Variants in ARFGAP3 observed in about 807,000 individuals in gnomAD.
ARFGAP3 encodes the protein ADP-ribosylation factor GTPase-activating protein 3.
Under a neutral mutation model 75.0 loss-of-function variants are expected in ARFGAP3, and 72 were observed. The observed-to-expected ratio is 0.96, with a 90% CI of 0.79 to 1.17. The LOEUF (loss-of-function observed/expected upper bound fraction) is 1.17, where lower values mean the gene tolerates loss of function less well. Among genes scored for constraint, ARFGAP3 ranks in the 50% most tolerant of loss-of-function variants. The probability of loss-of-function intolerance (pLI) is 0.00; values close to 1 mark genes in which losing one functional copy is unlikely to be tolerated. For missense variants in ARFGAP3, 620 were observed against 626.6 expected (o/e 0.99, Z 0.11); for synonymous variants, 221 against 217.9 (o/e 1.01, Z -0.13).
intron 11 of ARFGAP3, among the ~76,000 whole-genome samples, chr22:42,812,330 C>A (rs1486259868): frequency 6.6e-6 from 1 of 151,562 alleles, no homozygotes; most frequent in Non-Finnish European, 1.5e-5. Context: ...TAAGGCAGTC[C>A]AAGAAGTTCA....
In ARFGAP3 at chr22:42,797,389, G is replaced by A; in HGVS notation, c.*199C>T. 1.5e-6 allele frequency: 1 copy of A among 660,198 alleles called. No homozygotes were observed. 40.9% of individuals were successfully genotyped at this position (660,198 alleles called of 1,614,324 possible). Reference sequence around the variant, plus strand: ...AGGAGGGTGTGACAGGAAGGAACGTGAAACAGAAATCACAGGAAAGCTCCT... The same window carrying A: ...AGGAGGGTGTGACAGGAAGGAACGTAAAACAGAAATCACAGGAAAGCTCCT... On this transcript the variant is annotated 3_prime_UTR_variant, in exon 16 of 16. Coordinates refer to ENST00000263245, the MANE Select transcript of ARFGAP3 (RefSeq NM_014570.5).
At chr22:42,838,087 G>T (rs1247284393) in intron 3 of ARFGAP3, among the ~76,000 whole-genome samples, 2 of 151,684 alleles carry the variant, frequency 1.3e-5, no homozygotes, top group East Asian at 3.9e-4. Flanking sequence ...TGACAAAATT[G>T]TATTCCTTAG....
At chr22:42,818,029 G>A (rs1249858580) in intron 9 of ARFGAP3, 172 bp from the exon 10 acceptor site, 2 of 520,056 alleles carry the variant, frequency 3.8e-6, no homozygotes, top group East Asian at 1.5e-4. Flanking sequence ...TTGAACAGAC[G>A]TTTAAGAAAA....
rs1224583354 is a variant in ARFGAP3 at position 42,807,097 on chromosome 22, C to T, written c.1387G>A (p.Glu463Lys). ...SSSISSADLFEEPRKQPAGNY... is the reference protein window; with the variant it reads ...SSSISSADLFKEPRKQPAGNY... Reference sequence around the variant, plus strand: ...CCTGCTGGCTGCTTCCTCGGCTCCTCGAACAGATCAGCCGAGCTTATGGAG... The same window carrying T: ...CCTGCTGGCTGCTTCCTCGGCTCCTTGAACAGATCAGCCGAGCTTATGGAG... The change falls in exon 14 of 16, where the codon GAG becomes AAG. Residue 463 changes from glutamate to lysine, a missense_variant. Transcript: ENST00000263245. The T allele has an allele frequency of 5.0e-6, 8 of 1,612,352 alleles. No homozygotes were observed. The highest frequency in any genetic ancestry group is 6.8e-6 in the Non-Finnish European group (8 of 1,179,310).
chr22:42,822,306 T>TC lies in ARFGAP3; in HGVS notation c.775dup (p.Glu259GlyfsTer9). On this transcript the variant is annotated frameshift_variant, in exon 9 of 16. Transcript: ENST00000263245. LOFTEE classifies it high-confidence loss of function. ...TTTAGATACCACCTTGGCCAGGTCT[T>TC]CCTGCTCCTTCATTTTATCCGCAGC... The TC allele has an allele frequency of 1.2e-6, 2 of 1,614,202 alleles. No homozygotes were observed. The highest frequency in any genetic ancestry group is 1.7e-6 in the Non-Finnish European group (2 of 1,180,032).
intron 1 of ARFGAP3, among the ~76,000 whole-genome samples, chr22:42,855,171 A>T (rs141454930): frequency 6.6e-5 from 10 of 152,364 alleles, no homozygotes; most frequent in African/African-American, 2.2e-4. Context: ...ATACCTAGAA[A>T]GTAGCAGTTT....
rs144012925 is a variant in ARFGAP3, at chr22:42,804,147, G to C, written c.1411+2926C>G. 2.6e-5 allele frequency among the ~76,000 whole-genome samples: 4 copies of C among 151,502 alleles called. No homozygotes were observed. The South Asian group carries it at 8.3e-4, about 32-fold the overall frequency. On this transcript the variant is annotated intron_variant, in intron 14 of 15. Transcript: ENST00000263245. ...TGGAACTCCTGAGCTCAAGCGATAC[G>C]TCTTCCTCAGCCTCCCAAAGTGCTG... is the stretch of plus-strand genomic sequence containing the variant.
At chr22:42,821,916 T>C (rs1046805337) in intron 9 of ARFGAP3, among the ~76,000 whole-genome samples, 3 of 152,168 alleles carry the variant, frequency 2.0e-5, no homozygotes, top group Non-Finnish European at 4.4e-5. Context: ...TTTTTTATTA[T>C]AGCTTCCCTA....
At chr22:42,838,729 T>A (rs1462129617) in intron 3 of ARFGAP3, among the ~76,000 whole-genome samples, 2 of 152,218 alleles carry the variant, frequency 1.3e-5, no homozygotes, top group African/African-American at 2.4e-5. Context: ...TGTGCAAGAT[T>A]TGGCTGGCTA....
chr22:42,852,580 C>T (rs1301624486), intron 1 of ARFGAP3, among the ~76,000 whole-genome samples: 2 of 151,474 alleles, frequency 1.3e-5, no homozygotes, highest in African/African-American at 2.4e-5. Context: ...AGGCTGGTCT[C>T]GAACTCCTGA....
chr22:42,816,402 C>CCATA, intron 11 of ARFGAP3, among the ~76,000 whole-genome samples: 1 of 152,238 alleles, frequency 6.6e-6, no homozygotes, highest in East Asian at 1.9e-4. Flanking sequence ...GCCCCTGGGC[C>CCATA]CATATTCTTA....
At chr22:42,854,715 T>C (rs1305378292) in intron 1 of ARFGAP3, among the ~76,000 whole-genome samples, 4 of 152,088 alleles carry the variant, frequency 2.6e-5, no homozygotes, top group Non-Finnish European at 2.9e-5. Context: ...GACGAAGAAA[T>C]TGGATACCAT....
Position 42,808,883 on chromosome 22 carries a change from C to G in ARFGAP3, c.1204G>C (p.Ala402Pro). Reference sequence around the variant, plus strand: ...GGCTCATAATCTGGCTTGCGGCGAGCAGTAGGTCTGCAATTAAAAACAGCC... The same window carrying G: ...GGCTCATAATCTGGCTTGCGGCGAGGAGTAGGTCTGCAATTAAAAACAGCC... The part of the protein sequence containing the change: ...KTTGYSDRPT[A>P]RRKPDYEPVE... The change falls in exon 13 of 16, where the codon GCT becomes CCT. Residue 402 changes from alanine to proline, a missense_variant. By Grantham distance (27) the Ala-to-Pro change is conservative (BLOSUM62 -1). Transcript: ENST00000263245. The G allele has an allele frequency of 6.2e-7, 1 of 1,607,380 alleles. No individual in the cohort carries two copies. Among genetic ancestry groups the G allele is most frequent in the Non-Finnish European group, 8.5e-7 (1 of 1,176,050 alleles).
intron 2 of ARFGAP3, among the ~76,000 whole-genome samples, chr22:42,841,376 T>C (rs1035137134): frequency 6.6e-6 from 1 of 152,306 alleles, no homozygotes; most frequent in East Asian, 1.9e-4. Flanking sequence ...AGGTCGGTGA[T>C]CTACTTGTCC....
intron 11 of ARFGAP3, among the ~76,000 whole-genome samples, chr22:42,812,997 T>C (rs1012078423): frequency 4.6e-5 from 7 of 152,216 alleles, no homozygotes; most frequent in African/African-American, 1.7e-4. Flanking sequence ...AACCGGAAGT[T>C]ACATCGGAGG....
Position 42,816,032 on chromosome 22 carries a change from T to C in ARFGAP3, c.1064+1110A>G, listed in dbSNP as rs145619224. The stretch of plus-strand genomic sequence containing the variant: ...AGGAGGCTGAGGCATAAGAATTGCT[T>C]GAACCTGGGAGGTGGAGGTTGCAGT... On this transcript the variant is annotated intron_variant, in intron 11 of 15. Coordinates refer to ENST00000263245, the MANE Select transcript of ARFGAP3 (RefSeq NM_014570.5). Among the ~76,000 whole-genome samples, 999 of 152,288 alleles carry C rather than the reference T, an allele frequency of 6.6e-3. 13 individuals are homozygous for C. Among genetic ancestry groups the C allele is most frequent in the African/African-American group, 0.023 (959 of 41,558 alleles).
chr22:42,832,533 CAA>C (rs55833497), intron 5 of ARFGAP3, among the ~76,000 whole-genome samples: 116 of 122,626 alleles, frequency 9.5e-4, no homozygotes, highest in Non-Finnish European at 1.2e-3. Context: ...GACTCCATCT[CAA>C]AAAAAAAAAA....
At chr22:42,822,502 A>C in intron 8 of ARFGAP3, 93 bp from the exon 9 acceptor site, 1 of 1,467,706 alleles carries the variant, frequency 6.8e-7, no homozygotes, top group Non-Finnish European at 9.2e-7. Flanking sequence ...CCTGCCAGGC[A>C]CTGTGACAAG....
At chr22:42,826,840 C>A in intron 7 of ARFGAP3, 100 bp downstream of exon 7, 1 of 854,258 alleles carries the variant, frequency 1.2e-6, no homozygotes, top group East Asian at 2.6e-5. Context: ...GATTATATTA[C>A]TCCGTCAGGT....
Sources: gnomAD v4.1 joint callset for allele counts (sites outside exome capture counted in the v4.1 genomes callset) on GRCh38, gnomAD v4.1.1 for gene constraint, MANE v1.5 for transcripts, NCBI Gene and HGNC (gene_info 2026-07-23, HGNC 2026-07-21) for gene names.